The following MAOA variants were observed in gnomAD, a reference collection of about 807,000 sequenced individuals.
MAOA encodes monoamine oxidase A.
A neutral mutation model predicts 42.0 loss-of-function variants in MAOA; 6 were observed. The ratio of observed to expected loss-of-function variants is 0.14; its 90% CI spans 0.08 to 0.28. MAOA has a LOEUF of 0.28. Ranked by LOEUF, MAOA falls within the 10% of genes least tolerant of loss-of-function variation. The probability of loss-of-function intolerance (pLI) is 1.00; values close to 1 mark genes in which losing one functional copy is unlikely to be tolerated. For synonymous variants in MAOA, 140 were observed against 154.0 expected (o/e 0.91, Z 0.67); for missense variants, 262 against 422.3 (o/e 0.62, Z 3.33).
chrX:43,728,051 A>G, intron 5 of MAOA, 122 bp from the exon 6 acceptor site: 2 of 663,924 alleles, frequency 3.0e-6, no homozygotes, highest in Non-Finnish European at 5.0e-6. Flanking sequence ...TGAATCCTTG[A>G]GAGTTTTTTT....
At position 43,693,237 on chromosome X, in the gene MAOA, C is replaced by T. The variant is rs2033550489; in HGVS notation, c.169-54C>T. 3.5e-6 allele frequency: 4 copies of T among 1,141,662 alleles called. No homozygotes were observed. In the Admixed American group the frequency reaches 6.5e-5, roughly 19 times the overall value. The allele number at this position is 1,141,662 out of a possible 1,213,427, so 94.1% of individuals were successfully genotyped here. On this transcript the variant is annotated intron_variant, in intron 2 of 14. Coordinates refer to ENST00000338702, the MANE Select transcript of MAOA (RefSeq NM_000240.4). ...AATGGGGTTATTTTTTTACAAGACACCTTTTTTCCAAGTTTTAACTAAAGT... is the reference window on the plus strand; with the variant it reads ...AATGGGGTTATTTTTTTACAAGACATCTTTTTTCCAAGTTTTAACTAAAGT...
chrX:43,718,723 A>G (rs773193860), intron 5 of MAOA, among the ~76,000 whole-genome samples: 1 of 110,334 alleles, frequency 9.1e-6, no homozygotes, highest in East Asian at 2.9e-4. Context: ...TCCAGGAATG[A>G]GTCACAGGGG....
At chrX:43,718,320 T>C (rs1382243813) in intron 5 of MAOA, among the ~76,000 whole-genome samples, 1 of 96,258 alleles carries the variant, frequency 1.0e-5, no homozygotes, top group African/African-American at 4.1e-5. Context: ...ACATTGGGTT[T>C]AGAGAGATGG....
At position 43,722,160 on chromosome X, in the gene MAOA, T is replaced by G. The variant is rs1307766749; in HGVS notation, c.504-6013T>G. 2.7e-5 allele frequency among the ~76,000 whole-genome samples: 3 copies of G among 112,213 alleles called. No individual in the cohort carries two copies. The East Asian group carries it at 8.4e-4, about 31-fold the overall frequency. ...GTGCTGCAATAAACATATGTGTGCATGTGTCTTTATAGTAGAATGATTTAT... is the reference window on the plus strand; with the variant it reads ...GTGCTGCAATAAACATATGTGTGCAGGTGTCTTTATAGTAGAATGATTTAT... On this transcript the variant is annotated intron_variant, in intron 5 of 14. Transcript: ENST00000338702.
At chrX:43,732,663 G>T (rs2033891582) in intron 8 of MAOA, 36 bp from the exon 9 acceptor site, 1 of 939,044 alleles carries the variant, frequency 1.1e-6, no homozygotes, top group Admixed American at 2.2e-5. Context: ...TGATGAGCTT[G>T]ATCTCGATCT....
At chrX:43,725,420 T>C (rs2033824071) in intron 5 of MAOA, among the ~76,000 whole-genome samples, 1 of 112,116 alleles carries the variant, frequency 8.9e-6, no homozygotes, top group African/African-American at 3.2e-5. Flanking sequence ...TACAGTTATG[T>C]AATGCCCTTC....
chrX:43,729,693 G>A (rs2033865063), intron 6 of MAOA, among the ~76,000 whole-genome samples: 1 of 110,593 alleles, frequency 9.0e-6, no homozygotes, highest in African/African-American at 3.3e-5. Context: ...GCCTAGCCTG[G>A]TCTCCAACTC....
In MAOA at chrX:43,657,252, ATATATATATATGAACTGTGTT is replaced by A. The variant is rs1168045018; in HGVS notation, c.73+850_73+870del. On this transcript the variant is annotated intron_variant, in intron 1 of 14. Coordinates refer to ENST00000338702, the MANE Select transcript of MAOA (RefSeq NM_000240.4). ...ATATATATATATGAACTGTGTTTAT[ATATATATATATGAACTGTGTT>A]TATATATATATATATATGAACTGTG... 7.0e-4 allele frequency among the ~76,000 whole-genome samples: 61 copies of A among 86,596 alleles called. 1 individual carries two copies. Among genetic ancestry groups the A allele is most frequent in the East Asian group, 4.4e-3 (13 of 2,957 alleles). 75.2% of individuals were successfully genotyped at this position (86,596 alleles called of 115,157 possible).
chrX:43,680,800 T>C (rs988443589), intron 1 of MAOA, among the ~76,000 whole-genome samples: 1 of 111,365 alleles, frequency 9.0e-6, no homozygotes, highest in African/African-American at 3.3e-5. Context: ...TCATTAGCTA[T>C]TTGGTTGTTT....
chrX:43,728,644 A>T (rs1375039335), intron 6 of MAOA, among the ~76,000 whole-genome samples: 1 of 112,462 alleles, frequency 8.9e-6, no homozygotes, highest in Non-Finnish European at 1.9e-5. Context: ...AAATTGTACA[A>T]TTATTGTACT....
chrX:43,731,101 T>C (rs1373412779), intron 6 of MAOA, 140 bp from the exon 7 acceptor site: 1 of 562,439 alleles, frequency 1.8e-6, no homozygotes, highest in African/African-American at 2.2e-5. Context: ...TCTGTCCTAA[T>C]GAAGTCTTCT....
chrX:43,669,209 G>A (rs1268349501), intron 1 of MAOA, among the ~76,000 whole-genome samples: 2 of 102,729 alleles, frequency 1.9e-5, no homozygotes, highest in East Asian at 6.1e-4. Context: ...AGGAGTTCGA[G>A]ACCAACCTGG....
intron 3 of MAOA, among the ~76,000 whole-genome samples, chrX:43,704,828 T>G (rs2033648090): frequency 9.0e-6 from 1 of 111,406 alleles, no homozygotes; most frequent in Non-Finnish European, 1.9e-5. Flanking sequence ...ATGAACAATC[T>G]GAAATGAAAT....
chrX:43,682,610 T>C (rs1316811506), intron 1 of MAOA, among the ~76,000 whole-genome samples: 2 of 112,112 alleles, frequency 1.8e-5, no homozygotes, highest in Non-Finnish European at 3.8e-5. Context: ...ACATCTCCAG[T>C]GCAGAATTCC....
rs779805250 is a variant in MAOA, at chrX:43,731,280, C to A, written c.685C>A (p.Arg229=). ...AGGTGGATCTGGTCAAGTGAGCGAA[C>A]GGATAATGGACCTCCTCGGAGACCA... The part of the protein sequence containing the change: ...FVGGSGQVSE[R]IMDLLGDQVK... The change falls in exon 7 of 15, where the codon CGG becomes AGG. Residue 229 remains arginine, a synonymous_variant. Coordinates refer to ENST00000338702, the MANE Select transcript of MAOA (RefSeq NM_000240.4). 2.5e-6 allele frequency: 3 copies of A among 1,208,170 alleles called. No individual in the cohort carries two copies. Among genetic ancestry groups the A allele is most frequent in the Admixed American group, 4.4e-5 (2 of 45,785 alleles).
At chrX:43,716,873 A>G (rs779277232) in intron 5 of MAOA, among the ~76,000 whole-genome samples, 2 of 110,874 alleles carry the variant, frequency 1.8e-5, no homozygotes, top group Non-Finnish European at 3.8e-5. Flanking sequence ...AATGACCCAC[A>G]TGGGCTAAGG....
rs2033996088 is a variant in MAOA, at chrX:43,745,922, C to A, written c.*1409C>A. 8.9e-6 allele frequency: 1 copy of A among 112,046 alleles called. No homozygotes were observed. Among genetic ancestry groups the A allele is most frequent in the East Asian group, 2.8e-4 (1 of 3,563 alleles). The allele number at this position is 112,046 out of a possible 1,213,427, so 9.2% of individuals were successfully genotyped here. On this transcript the variant is annotated 3_prime_UTR_variant, in exon 15 of 15. Coordinates refer to ENST00000338702, the MANE Select transcript of MAOA (RefSeq NM_000240.4). ...TCATTAACCTTATCATAAATTCAAACCTAAGTTGCTGGACCCTGGTGTGAG... is the reference window on the plus strand; with the variant it reads ...TCATTAACCTTATCATAAATTCAAAACTAAGTTGCTGGACCCTGGTGTGAG...
At chrX:43,743,588 T>C in intron 12 of MAOA, 1 of 453,905 alleles carries the variant, frequency 2.2e-6, no homozygotes, top group Non-Finnish European at 3.9e-6. Context: ...TCTGATGGCC[T>C]GATTCTCCCT....
intron 1 of MAOA, among the ~76,000 whole-genome samples, chrX:43,666,992 A>G (rs1285026244): frequency 2.6e-4 from 10 of 38,752 alleles, no homozygotes; most frequent in Admixed American, 3.9e-4. Flanking sequence ...AGGGTCTGTC[A>G]TGGGGTGGGG....
Sources: allele counts gnomAD v4.1 joint callset (sites outside exome capture counted in the v4.1 genomes callset), GRCh38; gene constraint gnomAD v4.1.1; transcripts MANE v1.5; gene names NCBI Gene and HGNC (gene_info 2026-07-23, HGNC 2026-07-21).